TREM1: variants seen among roughly 807,000 people sequenced by gnomAD.
TREM1 encodes triggering receptor expressed on myeloid cells 1, also known as triggering receptor expressed on monocytes 1.
Under a neutral mutation model 22.4 loss-of-function variants are expected in TREM1, and 16 were observed. The observed-to-expected ratio is 0.71, with a 90% confidence interval of 0.48 to 1.08. TREM1 has a LOEUF of 1.08. TREM1 is among the 50% of genes least tolerant of loss of function. The pLI is 0.00. For synonymous variants in TREM1, 110 were observed against 111.6 expected, an observed-to-expected ratio of 0.99 and a Z score of 0.09; for missense variants, 283 against 282.9, an observed-to-expected ratio of 1.00 and a Z score of 0.00.
intron 3 of TREM1, among the ~76,000 whole-genome samples, chr6:41,278,924 C>G (rs1350709837): frequency 6.6e-6 from 1 of 152,096 alleles, no homozygotes; most frequent in Non-Finnish European, 1.5e-5. Context: ...GCTGACTTCC[C>G]ATAGCTGGAT....
downstream of TREM1, among the ~76,000 whole-genome samples, chr6:41,267,681 C>G (rs1767367345): frequency 6.6e-6 from 1 of 151,912 alleles, no homozygotes; most frequent in South Asian, 2.1e-4. Flanking sequence ...TCACTTGAGC[C>G]CAGGAGTTCA....
At chr6:41,284,540 G>A (rs1768074362) in intron 1 of TREM1, among the ~76,000 whole-genome samples, 1 of 152,198 alleles carries the variant, frequency 6.6e-6, no homozygotes, top group Admixed American at 6.5e-5. Flanking sequence ...TTTGCTGAGA[G>A]ACTGTAGCTT....
chr6:41,270,096 C>G (rs1767437074), downstream of TREM1: 1 of 152,220 alleles, frequency 6.6e-6, no homozygotes, highest in Non-Finnish European at 1.5e-5. Context: ...CTGGGGGACC[C>G]TGGCTCCAAC....
At chr6:41,282,795 T>TC in intron 1 of TREM1, 44 bp from the exon 2 acceptor site, 2 of 1,528,538 alleles carry the variant, frequency 1.3e-6, no homozygotes, top group Non-Finnish European at 1.8e-6. Context: ...GAATTATTTT[T>TC]CTCTCTCTGA....
downstream of TREM1, among the ~76,000 whole-genome samples, chr6:41,271,250 T>A (rs1234788153): frequency 6.6e-6 from 1 of 152,184 alleles, no homozygotes; most frequent in Non-Finnish European, 1.5e-5. Context: ...AGGCCCTAAA[T>A]ACTGAGCCAA....
At chr6:41,273,038 G>A (rs1767528065), downstream of TREM1, among the ~76,000 whole-genome samples, 1 of 152,136 alleles carries the variant, frequency 6.6e-6, no homozygotes, top group Admixed American at 6.5e-5. Context: ...CAGCTGTGCT[G>A]CAGGCACGTG....
At chr6:41,280,663 G>A in intron 3 of TREM1, 1 of 1,402,508 alleles carries the variant, frequency 7.1e-7, no homozygotes, top group Non-Finnish European at 9.2e-7. Flanking sequence ...TCAGGCCCCT[G>A]GGGTTGGATG....
At chr6:41,284,343 A>G (rs1481236013) in intron 1 of TREM1, among the ~76,000 whole-genome samples, 1 of 152,200 alleles carries the variant, frequency 6.6e-6, no homozygotes, top group Non-Finnish European at 1.5e-5. Context: ...GCCATGTTTG[A>G]GAACCCCTGG....
At chr6:41,272,775 A>G (rs753435805), downstream of TREM1, among the ~76,000 whole-genome samples, 1 of 152,174 alleles carries the variant, frequency 6.6e-6, no homozygotes, top group Non-Finnish European at 1.5e-5. Flanking sequence ...GACCCCAGTT[A>G]TAACAGTAAT....
downstream of TREM1, among the ~76,000 whole-genome samples, chr6:41,273,520 T>C (rs1382266414): frequency 6.6e-6 from 1 of 152,220 alleles, no homozygotes; most frequent in Admixed American, 6.5e-5. Flanking sequence ...AACCCATACA[T>C]GGTTTTCCTC....
At chr6:41,280,735 A>G in intron 3 of TREM1, 1 of 1,438,292 alleles carries the variant, frequency 7.0e-7, no homozygotes, top group Non-Finnish European at 9.1e-7. Flanking sequence ...GTTGCAAGGA[A>G]ACAAAGAAGG....
intron 3 of TREM1, among the ~76,000 whole-genome samples, chr6:41,279,142 G>T (rs574835992): frequency 1.2e-4 from 19 of 152,304 alleles, no homozygotes; most frequent in African/African-American, 4.6e-4. Context: ...AAGCAGAGAC[G>T]ACCATCCCTT....
At chr6:41,273,014 C>T (rs551943661), downstream of TREM1, among the ~76,000 whole-genome samples, 1 of 152,192 alleles carries the variant, frequency 6.6e-6, no homozygotes, top group African/African-American at 2.4e-5. Flanking sequence ...CTATTCCTCC[C>T]ACCCTTCTCC....
downstream of TREM1, among the ~76,000 whole-genome samples, chr6:41,273,206 G>A (rs915494077): frequency 4.6e-5 from 7 of 152,188 alleles, no homozygotes; most frequent in Non-Finnish European, 8.8e-5. Flanking sequence ...CCAGGGCAGT[G>A]GCATTGATGG....
At chr6:41,268,032 G>A (rs950928118) in exon 4 of TREM1, 9 of 398,538 alleles carry the variant, frequency 2.3e-5, no homozygotes, top group Admixed American at 4.4e-5. Flanking sequence ...GTGCAGTGGT[G>A]GGAGAGGATG....
chr6:41,279,668 G>A (rs892455192), intron 3 of TREM1: 4 of 985,278 alleles, frequency 4.1e-6, no homozygotes, highest in East Asian at 2.3e-4. Context: ...ATTAGAGCAG[G>A]CACCAGTTCA....
downstream of TREM1, among the ~76,000 whole-genome samples, chr6:41,273,180 T>C (rs956721457): frequency 7.2e-5 from 11 of 152,206 alleles, no homozygotes; most frequent in African/African-American, 2.7e-4. Flanking sequence ...AGGAATAGCA[T>C]GGTGGCCTCC....
At chr6:41,270,100 C>T (rs572788182), downstream of TREM1, 1 of 152,176 alleles carries the variant, frequency 6.6e-6, no homozygotes, top group Non-Finnish European at 1.5e-5. Context: ...GGGACCCTGG[C>T]TCCAACCCCA....
chr6:41,270,892 A>T (rs1767463752), downstream of TREM1, among the ~76,000 whole-genome samples: 1 of 152,158 alleles, frequency 6.6e-6, no homozygotes. Context: ...CTTTCTAGAA[A>T]CAGGGATCTC....
Sources: allele counts gnomAD v4.1 joint callset (sites outside exome capture counted in the v4.1 genomes callset), GRCh38; gene constraint gnomAD v4.1.1; transcripts MANE v1.5; gene names NCBI Gene and HGNC (gene_info 2026-07-23, HGNC 2026-07-21).